RBFOX1: variants seen among roughly 807,000 people sequenced by gnomAD.
The protein encoded by RBFOX1 is RNA binding protein fox-1 homolog 1.
Under a neutral mutation model 57.7 loss-of-function variants are expected in RBFOX1, and 8 were observed. The ratio of observed to expected loss-of-function variants is 0.14; its 90% confidence interval spans 0.08 to 0.25. The LOEUF is 0.25. Ranked by LOEUF, RBFOX1 falls within the 10% of genes least tolerant of loss-of-function variation. The pLI is 1.00. For missense variants in RBFOX1, 611 were observed against 548.5 expected (o/e 1.11, Z -1.14); for synonymous variants, 326 against 222.4 (o/e 1.47, Z -4.15).
intron 1 of RBFOX1, among the ~76,000 whole-genome samples, chr16:6,265,344 C>T (rs1371150944): frequency 6.6e-6 from 1 of 152,070 alleles, no homozygotes; most frequent in Non-Finnish European, 1.5e-5. Context: ...TCACTACAAC[C>T]TCTGCCTCCC....
chr16:6,089,070 A>G (rs1047495417), intron 1 of RBFOX1, among the ~76,000 whole-genome samples: 4 of 120,574 alleles, frequency 3.3e-5, no homozygotes, highest in Non-Finnish European at 7.4e-5. Context: ...TGTCTCAAAA[A>G]AAAAAAAAAT....
At chr16:5,588,009 T>C (rs74603523) in intron 2 of RBFOX1, among the ~76,000 whole-genome samples, 13,770 of 152,150 alleles carry the variant, frequency 0.091, 848 homozygotes, top group Non-Finnish European at 0.12. Flanking sequence ...CTCTATGCAA[T>C]AGAATATTTT....
At chr16:6,984,037 C>G (rs1002568181) in intron 3 of RBFOX1, among the ~76,000 whole-genome samples, 8 of 152,130 alleles carry the variant, frequency 5.3e-5, no homozygotes, top group Non-Finnish European at 8.8e-5. Context: ...CACCTGAGGT[C>G]AGGAGTTCAA....
chr16:6,701,808 G>C (rs946840586), intron 3 of RBFOX1, among the ~76,000 whole-genome samples: 7 of 152,146 alleles, frequency 4.6e-5, no homozygotes, highest in Non-Finnish European at 4.4e-5. Context: ...CAGCAACATG[G>C]ATGGAACTGG....
At chr16:7,143,243 T>TAGAG (rs140739295) in intron 4 of RBFOX1, among the ~76,000 whole-genome samples, 4 of 151,326 alleles carry the variant, frequency 2.6e-5, no homozygotes, top group African/African-American at 9.7e-5. Flanking sequence ...CAGGGAAAAT[T>TAGAG]AGAGAGAGAG....
intron 2 of RBFOX1, among the ~76,000 whole-genome samples, chr16:6,547,608 A>T (rs1211945903): frequency 2.0e-5 from 3 of 152,074 alleles, no homozygotes; most frequent in Non-Finnish European, 4.4e-5. Context: ...GAGGGAGGGG[A>T]AAAGGAAGAA....
At chr16:6,180,988 A>G (rs1358551476) in intron 1 of RBFOX1, among the ~76,000 whole-genome samples, 1 of 152,136 alleles carries the variant, frequency 6.6e-6, no homozygotes, top group Non-Finnish European at 1.5e-5. Flanking sequence ...CCTGTCCTCT[A>G]CTGATGGGTT....
chr16:7,028,439 T>C (rs921394902), intron 3 of RBFOX1, among the ~76,000 whole-genome samples: 2 of 151,666 alleles, frequency 1.3e-5, no homozygotes, highest in Non-Finnish European at 2.9e-5. Flanking sequence ...AATATAAAAT[T>C]AGCTGGGCGT....
At chr16:7,001,975 G>A (rs931491397) in intron 3 of RBFOX1, among the ~76,000 whole-genome samples, 1 of 152,020 alleles carries the variant, frequency 6.6e-6, no homozygotes, top group Non-Finnish European at 1.5e-5. Flanking sequence ...GATTGAGCAC[G>A]TGAGTGAACT....
Position 7,551,066 on chromosome 16 carries a change from C to G in RBFOX1, c.271-28711C>G, listed in dbSNP as rs1043546827. On this transcript the variant is annotated intron_variant, in intron 5 of 15. Coordinates refer to ENST00000550418, the MANE Select transcript of RBFOX1 (RefSeq NM_018723.4). ...CTGAGATTGTGCCATCACACTCCAG[C>G]CTGGGCAACAAGAGCGAGACTCAAA... Among the ~76,000 whole-genome samples the G allele has an allele frequency of 2.8e-5, 4 of 143,058 alleles. No individual in the cohort carries two copies. In the South Asian group the frequency reaches 8.8e-4, roughly 31 times the overall value. 93.9% of individuals were successfully genotyped at this position (143,058 alleles called of 152,430 possible).
At chr16:6,193,402 A>ATAATG (rs1309919002) in intron 1 of RBFOX1, among the ~76,000 whole-genome samples, 4 of 97,404 alleles carry the variant, frequency 4.1e-5, no homozygotes, top group South Asian at 3.0e-4. Context: ...CTATATATAT[A>ATAATG]TATATATATA....
At chr16:6,273,216 G>T (rs144787621) in intron 1 of RBFOX1, among the ~76,000 whole-genome samples, 2,686 of 151,808 alleles carry the variant, frequency 0.018, 86 homozygotes, top group African/African-American at 0.062. Context: ...CCATGATCAT[G>T]CCACTGTACT....
chr16:7,551,102 AAAAG>A (rs1418960670), intron 5 of RBFOX1, among the ~76,000 whole-genome samples: 5 of 151,480 alleles, frequency 3.3e-5, no homozygotes, highest in Middle Eastern at 3.4e-3. Context: ...AAAAAAAAAA[AAAAG>A]AAAAAAAAAG....
intron 3 of RBFOX1, among the ~76,000 whole-genome samples, chr16:5,793,049 GTGT>G (rs1227984265): frequency 6.6e-6 from 1 of 152,210 alleles, no homozygotes; most frequent in African/African-American, 2.4e-5. Flanking sequence ...AACCCACGTT[GTGT>G]TGTTCAAGGG....
In RBFOX1 at chr16:6,642,363, T is replaced by A. The variant is rs2098498911; in HGVS notation, c.-63-12240T>A. ...TTAATTAAAAGCGCTCTCATTAAAC[T>A]CCCGCTGTGATGCCAATGCATAGCT... On this transcript the variant is annotated intron_variant, in intron 2 of 15. Transcript: ENST00000550418. 2.6e-5 allele frequency among the ~76,000 whole-genome samples: 4 copies of A among 152,162 alleles called. No individual in the cohort carries two copies. In the South Asian group the frequency reaches 8.3e-4, roughly 32 times the overall value.
chr16:7,341,872 C>G (rs2096904543), intron 4 of RBFOX1, among the ~76,000 whole-genome samples: 1 of 150,984 alleles, frequency 6.6e-6, no homozygotes, highest in African/African-American at 2.4e-5. Flanking sequence ...GCCCCCGGCC[C>G]CCTTCCCACC....
intron 4 of RBFOX1, among the ~76,000 whole-genome samples, chr16:7,247,771 C>G (rs767411395): frequency 6.6e-6 from 1 of 152,128 alleles, no homozygotes; most frequent in Non-Finnish European, 1.5e-5. Flanking sequence ...CGGTGCTGTT[C>G]ATCTAGGTAT....
chr16:7,157,000 C>G (rs2077285384), intron 4 of RBFOX1, among the ~76,000 whole-genome samples: 1 of 152,186 alleles, frequency 6.6e-6, no homozygotes, highest in Non-Finnish European at 1.5e-5. Flanking sequence ...CATACATCCT[C>G]TGCTGTCAGA....
chr16:5,839,937 AAAG>A (rs2056575774), intron 3 of RBFOX1, among the ~76,000 whole-genome samples: 1 of 152,204 alleles, frequency 6.6e-6, no homozygotes, highest in African/African-American at 2.4e-5. Context: ...TAAGGTAGAC[AAAG>A]AAGAAGGTGA....
Sources: allele counts gnomAD v4.1 joint callset (sites outside exome capture counted in the v4.1 genomes callset), GRCh38; gene constraint gnomAD v4.1.1; transcripts MANE v1.5; gene names NCBI Gene and HGNC (gene_info 2026-07-23, HGNC 2026-07-21).